DHX38: variants seen among roughly 807,000 people sequenced by gnomAD.
The protein encoded by DHX38 is DEAH-box helicase 38.
In DHX38, 100 loss-of-function variants were observed where a neutral mutation model predicts 153.1. That is an observed-to-expected ratio of 0.65 (90% confidence interval 0.56 to 0.77). The LOEUF is 0.77. Among genes scored for constraint, DHX38 ranks in the 30% least tolerant of loss-of-function variants. The pLI, the probability that DHX38 is intolerant of heterozygous loss-of-function variation, is 0.00. For missense variants in DHX38, 1,440 were observed against 1,654.0 expected, an observed-to-expected ratio of 0.87 and a Z score of 2.24; for synonymous variants, 650 against 631.7, an observed-to-expected ratio of 1.03 and a Z score of -0.43.
chr16:72,107,287 T>G lies in DHX38; in HGVS notation c.2601-53T>G, dbSNP rs776663139. 3.2e-6 allele frequency: 5 copies of G among 1,554,238 alleles called. No homozygotes were observed. Among genetic ancestry groups the G allele is most frequent in the Non-Finnish European group, 4.3e-6 (5 of 1,150,682 alleles). On this transcript the variant is annotated intron_variant, in intron 19 of 26. Coordinates refer to ENST00000268482, the MANE Select transcript of DHX38 (RefSeq NM_014003.4). The surrounding 1 kb of genome is among the most constrained non-coding windows in gnomAD (Gnocchi z 5.3). ...CCTCCCTGTGGGATTTCATCTGTAC[T>G]GGCTGCTGTGGGGTTTCCTTGTGGT... is the stretch of plus-strand genomic sequence containing the variant.
chr16:72,099,067 G>GC, intron 6 of DHX38, 22 bp downstream of exon 6: 1 of 1,611,696 alleles, frequency 6.2e-7, no homozygotes, highest in Non-Finnish European at 8.5e-7. Context: ...GGGGCAGCAG[G>GC]CAGAAGAGCA....
intron 1 of DHX38, among the ~76,000 whole-genome samples, chr16:72,095,534 T>A (rs899490066): frequency 1.3e-5 from 2 of 152,166 alleles, no homozygotes; most frequent in African/African-American, 4.8e-5. Flanking sequence ...TAGCAAATAA[T>A]ACAATGTAGC....
At chr16:72,103,889 G>T in intron 13 of DHX38, 57 bp from the exon 14 acceptor site, 1 of 1,606,100 alleles carries the variant, frequency 6.2e-7, no homozygotes, top group Non-Finnish European at 8.5e-7. Context: ...CCCAGTACGG[G>T]GTGTGCTGGT....
Position 72,098,654 on chromosome 16 carries a change from C to A in DHX38, c.626C>A (p.Thr209Asn). Residue 209 changes from threonine (T) to asparagine (N), a missense_variant, in exon 5 of 27, where the codon ACC becomes AAC. By Grantham distance (65) the Thr-to-Asn change is moderately conservative. Coordinates refer to ENST00000268482, the MANE Select transcript of DHX38 (RefSeq NM_014003.4). ...SPRHRPKDAA[T>N]PSRSTWEEED... ...GTCTTTTGTGGCCCAGATGCAGCCA[C>A]CCCTTCAAGGTCTACCTGGGAGGAA... The A allele has an allele frequency of 6.2e-7, 1 of 1,613,978 alleles. No homozygotes were observed. Among genetic ancestry groups the A allele is most frequent in the East Asian group, 2.2e-5 (1 of 44,862 alleles).
chr16:72,104,269 A>C lies in DHX38; in HGVS notation c.2010+138A>C. On this transcript the variant is annotated intron_variant, in intron 14 of 26. Transcript: ENST00000268482. This position sits in a 1 kb window ranked among gnomAD's most constrained non-coding sequence, Gnocchi z 4.5. ...CCTGAGGCCTCTGGTTGCAGTTCAG[A>C]CTCGGGTTGTAGTTCATGCTGTTCT... 1 of 1,260,646 alleles carries C rather than the reference A, an allele frequency of 7.9e-7. No homozygotes were observed. The highest frequency in any genetic ancestry group is 1.5e-5 in the South Asian group (1 of 67,658). The allele number at this position is 1,260,646 out of a possible 1,614,324, so 78.1% of individuals were successfully genotyped here.
chr16:72,099,142 C>G, intron 6 of DHX38, 62 bp from the exon 7 acceptor site: 2 of 1,592,572 alleles, frequency 1.3e-6, no homozygotes, highest in Non-Finnish European at 1.7e-6. Context: ...CCCTGCAGAT[C>G]TGTCTGGGGC....
In DHX38 at chr16:72,103,240, G is replaced by A. The variant is rs772951081; in HGVS notation, c.1637+29G>A. 1.6e-5 allele frequency: 25 copies of A among 1,608,356 alleles called. No homozygotes were observed. The South Asian group carries it at 2.4e-4, about 16-fold the overall frequency. On this transcript the variant is annotated intron_variant, in intron 12 of 26. Transcript: ENST00000268482. Reference sequence around the variant, plus strand: ...ACTTCACCCGGGGCCCAGGAATCTAGTGTCAAGTCAGGGGTGCCCTTGGTC... The same window carrying A: ...ACTTCACCCGGGGCCCAGGAATCTAATGTCAAGTCAGGGGTGCCCTTGGTC...
Position 72,104,771 on chromosome 16 carries a change from C to T in DHX38, c.2151+145C>T, listed in dbSNP as rs2042150328. 2 of 1,200,172 alleles carry T rather than the reference C, an allele frequency of 1.7e-6. No homozygotes were observed. Among genetic ancestry groups the T allele is most frequent in the East Asian group, 4.7e-5 (2 of 42,822 alleles). 74.3% of individuals were successfully genotyped at this position (1,200,172 alleles called of 1,614,324 possible). ...ATGGGGCAAATGGGGCAGCCTGCAG[C>T]TCTGGGACTCGGGGACAAAGGACTC... On this transcript the variant is annotated intron_variant, in intron 15 of 26. Transcript: ENST00000268482. This position sits in a 1 kb window ranked among gnomAD's most constrained non-coding sequence, Gnocchi z 4.5.
intron 11 of DHX38, among the ~76,000 whole-genome samples, chr16:72,102,021 A>G (rs2042108626): frequency 6.6e-6 from 1 of 152,198 alleles, no homozygotes; most frequent in South Asian, 2.1e-4. Flanking sequence ...TCACTATAAG[A>G]ACTATTTTTA....
In DHX38 at chr16:72,112,645, ACT is replaced by A; in HGVS notation, c.*153_*154del. The A allele has an allele frequency of 5.9e-6, 5 of 844,554 alleles. No homozygotes were observed. The Admixed American group carries it at 6.0e-5, about 10-fold the overall frequency. The allele number at this position is 844,554 out of a possible 1,614,324, so 52.3% of individuals were successfully genotyped here. The stretch of plus-strand genomic sequence containing the variant: ...CCCAGGGCAGTTCCTGCTGGACCAG[ACT>A]CTCTGGCAGAGGAGGTGGAGTTCTT... On this transcript the variant is annotated 3_prime_UTR_variant, in exon 27 of 27. Transcript: ENST00000268482.
intron 10 of DHX38, 138 bp downstream of exon 10, chr16:72,101,331 C>G: frequency 2.6e-6 from 3 of 1,175,374 alleles, no homozygotes; most frequent in Non-Finnish European, 2.4e-6. Context: ...GCTGCGGGGC[C>G]TGGTGTTGGG....
chr16:72,106,532 T>G (rs2042181415), intron 19 of DHX38, among the ~76,000 whole-genome samples: 2 of 151,976 alleles, frequency 1.3e-5, no homozygotes. Context: ...CACTGCAGCC[T>G]TGATCTCCTG....
In DHX38 at chr16:72,104,317, G is replaced by A; in HGVS notation, c.2011-169G>A. 3 of 1,203,496 alleles carry A rather than the reference G, an allele frequency of 2.5e-6. No individual in the cohort carries two copies. The highest frequency in any genetic ancestry group is 2.6e-5 in the East Asian group (1 of 39,114). The allele number at this position is 1,203,496 out of a possible 1,614,324, so 74.6% of individuals were successfully genotyped here. A position where few individuals can be genotyped will look rare whatever the true frequency, so the allele number is the denominator to read the frequency against. ...TCTTGCTCTGCTGAGGGTGGCTTGG[G>A]GTTTTCTGGGCAGTGGCTCCATTGC... On this transcript the variant is annotated intron_variant, in intron 14 of 26. Coordinates refer to ENST00000268482, the MANE Select transcript of DHX38 (RefSeq NM_014003.4). This position sits in a 1 kb window ranked among gnomAD's most constrained non-coding sequence, Gnocchi z 4.5.
At chr16:72,096,021 C>T in intron 1 of DHX38, 118 bp from the exon 2 acceptor site, 1 of 1,067,204 alleles carries the variant, frequency 9.4e-7, no homozygotes, top group Non-Finnish European at 1.3e-6. Context: ...AAAAGTAGTC[C>T]TGGTCTTAAG....
In DHX38 at chr16:72,097,042, T is replaced by G. The variant is rs779189314; in HGVS notation, c.511+33T>G. The G allele has an allele frequency of 2.1e-5, 33 of 1,567,096 alleles. No homozygotes were observed. The Admixed American group carries it at 6.0e-4, about 29-fold the overall frequency. On this transcript the variant is annotated intron_variant, in intron 3 of 26. Coordinates refer to ENST00000268482, the MANE Select transcript of DHX38 (RefSeq NM_014003.4). ...GTCCAGCACAGTTCCTATTGTCCAT[T>G]AGCATTCGAATAAATGTGTCAGCCT... is the stretch of plus-strand genomic sequence containing the variant.
At chr16:72,098,257 AC>A (rs997205857) in intron 4 of DHX38, among the ~76,000 whole-genome samples, 16 of 151,970 alleles carry the variant, frequency 1.1e-4, no homozygotes, top group African/African-American at 3.1e-4. Context: ...ACATGGTGAA[AC>A]CCCATCCCTA....
At position 72,099,757 on chromosome 16, in the gene DHX38, T is replaced by C. The variant is rs1299591435; in HGVS notation, c.986T>C (p.Met329Thr). 6.2e-7 allele frequency: 1 copy of C among 1,614,194 alleles called. No individual in the cohort carries two copies. The highest frequency in any genetic ancestry group is 2.2e-5 in the East Asian group (1 of 44,882). Reference protein sequence around the residue: ...QRQADRDWYMMDEGYDEFHNP... With the variant: ...QRQADRDWYMTDEGYDEFHNP... ...CAAGCCGATCGGGATTGGTACATGATGGACGAGGGCTATGACGAGTTCCAC... is the reference window on the plus strand; with the variant it reads ...CAAGCCGATCGGGATTGGTACATGACGGACGAGGGCTATGACGAGTTCCAC... The change falls in exon 8 of 27, where the codon ATG becomes ACG. Residue 329 changes from methionine (M) to threonine (T), a missense_variant. This residue lies in a region of DHX38 where 483 missense variants were observed against 465.1 expected (regional missense o/e 1.04). Coordinates refer to ENST00000268482, the MANE Select transcript of DHX38 (RefSeq NM_014003.4).
Position 72,104,414 on chromosome 16 carries a change from G to C in DHX38, c.2011-72G>C, listed in dbSNP as rs1195324122. ...TTTGGCTTGTGTTTCCTCGGGGGTG[G>C]TGCTGATGGGACTGGGGGACAGGAG... On this transcript the variant is annotated intron_variant, in intron 14 of 26. Transcript: ENST00000268482. This position sits in a 1 kb window ranked among gnomAD's most constrained non-coding sequence, Gnocchi z 4.5. The C allele has an allele frequency of 8.8e-6, 14 of 1,589,150 alleles. No homozygotes were observed. The highest frequency in any genetic ancestry group is 2.2e-4 in the Middle Eastern group (1 of 4,546).
chr16:72,108,450 G>GT, intron 22 of DHX38, 23 bp from the exon 23 acceptor site: 1 of 1,613,836 alleles, frequency 6.2e-7, no homozygotes, highest in Non-Finnish European at 8.5e-7. Flanking sequence ...GCTCCCTCCT[G>GT]GTGCCTCCGT....
Sources: allele counts gnomAD v4.1 joint callset (sites outside exome capture counted in the v4.1 genomes callset), GRCh38; gene constraint gnomAD v4.1.1; regional missense constraint gnomAD v4.1.1; non-coding constraint Gnocchi (gnomAD v3.1); transcripts MANE v1.5; gene names NCBI Gene and HGNC (gene_info 2026-07-23, HGNC 2026-07-21).